The following GHR variants were observed in gnomAD, a reference collection of about 807,000 sequenced individuals.
GHR encodes the protein growth hormone receptor, also known as GH receptor.
Under a neutral mutation model 67.1 loss-of-function variants are expected in GHR, and 35 were observed. The observed-to-expected ratio is 0.52, with a 90% confidence interval of 0.40 to 0.69. The LOEUF (loss-of-function observed/expected upper bound fraction) is 0.69. GHR is among the 30% of genes least tolerant of loss of function. The pLI is 0.00. For synonymous variants in GHR, 272 were observed against 269.1 expected, an observed-to-expected ratio of 1.01 and a Z score of -0.10; for missense variants, 792 against 764.6, an observed-to-expected ratio of 1.04 and a Z score of -0.42.
intron 3 of GHR, among the ~76,000 whole-genome samples, chr5:42,635,734 G>A (rs7447306): frequency 1.3e-5 from 2 of 152,110 alleles, no homozygotes; most frequent in African/African-American, 4.8e-5. Flanking sequence ...GTTTACAAGA[G>A]ACCTGTTTCT....
intron 2 of GHR, among the ~76,000 whole-genome samples, chr5:42,624,854 A>T (rs1308048974): frequency 1.3e-5 from 2 of 152,214 alleles, no homozygotes; most frequent in Non-Finnish European, 2.9e-5. Context: ...TGGTTCTAGA[A>T]AATAATGGTA....
At chr5:42,577,766 A>C (rs1414467776) in intron 2 of GHR, among the ~76,000 whole-genome samples, 3 of 152,218 alleles carry the variant, frequency 2.0e-5, no homozygotes, top group African/African-American at 7.2e-5. Flanking sequence ...AGCTACACCC[A>C]AGAGCCTTTT....
At chr5:42,618,919 A>G (rs1422388182) in intron 2 of GHR, among the ~76,000 whole-genome samples, 3 of 152,096 alleles carry the variant, frequency 2.0e-5, no homozygotes, top group African/African-American at 7.2e-5. Context: ...TCTGTTTACA[A>G]CCATATCCCA....
chr5:42,589,089 A>G (rs1035756005), intron 2 of GHR, among the ~76,000 whole-genome samples: 2 of 152,300 alleles, frequency 1.3e-5, no homozygotes, highest in East Asian at 3.9e-4. Flanking sequence ...GTTGACTCCA[A>G]GTGACCTGTT....
chr5:42,648,875 C>G (rs1280394976), intron 3 of GHR, among the ~76,000 whole-genome samples: 1 of 152,152 alleles, frequency 6.6e-6, no homozygotes, highest in African/African-American at 2.4e-5. Context: ...CCTCAACAAG[C>G]TGTGACAACC....
intron 2 of GHR, among the ~76,000 whole-genome samples, chr5:42,615,265 C>A (rs138365758): frequency 2.8e-4 from 42 of 151,876 alleles, no homozygotes; most frequent in African/African-American, 9.6e-4. Context: ...GCTTTACCAG[C>A]GACCTATACT....
intron 3 of GHR, among the ~76,000 whole-genome samples, chr5:42,675,305 T>C (rs781250868): frequency 6.6e-6 from 1 of 152,340 alleles, no homozygotes; most frequent in Non-Finnish European, 1.5e-5. Context: ...TGTTGCTGTA[T>C]CTGCCTTGGC....
chr5:42,478,166 T>A (rs575572678), intron 1 of GHR, among the ~76,000 whole-genome samples: 2 of 152,322 alleles, frequency 1.3e-5, no homozygotes, highest in Admixed American at 6.5e-5. Context: ...CTTGTTTTTG[T>A]CAGGTTTGTC....
At chr5:42,551,615 C>G (rs1406319467) in intron 1 of GHR, among the ~76,000 whole-genome samples, 1 of 152,148 alleles carries the variant, frequency 6.6e-6, no homozygotes, top group Non-Finnish European at 1.5e-5. Context: ...GAACCCTGAT[C>G]TCATTAAGCA....
intron 3 of GHR, 72 bp from the exon 4 acceptor site, chr5:42,688,818 A>T: frequency 7.4e-7 from 1 of 1,351,174 alleles, no homozygotes; most frequent in Non-Finnish European, 1.1e-6. Context: ...CACACACTTT[A>T]GATACGTGTC....
intron 1 of GHR, among the ~76,000 whole-genome samples, chr5:42,557,504 T>A (rs1196229876): frequency 1.3e-5 from 2 of 152,200 alleles, no homozygotes; most frequent in African/African-American, 4.8e-5. Flanking sequence ...TTTGGATACA[T>A]GCAGAGGGAA....
At chr5:42,604,648 A>C (rs1752534055) in intron 2 of GHR, among the ~76,000 whole-genome samples, 1 of 151,880 alleles carries the variant, frequency 6.6e-6, no homozygotes, top group Non-Finnish European at 1.5e-5. Context: ...ATAATAAAAG[A>C]CTGTAATAAG....
chr5:42,679,205 CTAT>C (rs1281432255), intron 3 of GHR, among the ~76,000 whole-genome samples: 2 of 142,974 alleles, frequency 1.4e-5, no homozygotes, highest in East Asian at 2.1e-4. Flanking sequence ...TAATAACATA[CTAT>C]TATTAATATT....
intron 3 of GHR, among the ~76,000 whole-genome samples, chr5:42,641,541 G>A (rs963944668): frequency 2.0e-5 from 3 of 152,054 alleles, no homozygotes; most frequent in East Asian, 1.9e-4. Flanking sequence ...CTGGCTGGGC[G>A]AACTAGATCT....
chr5:42,711,623 G>C (rs1192664600), intron 7 of GHR, among the ~76,000 whole-genome samples: 1 of 152,044 alleles, frequency 6.6e-6, no homozygotes, highest in Non-Finnish European at 1.5e-5. Context: ...CAGGAATTTG[G>C]TGGCAATCTC....
chr5:42,689,144 C>T (rs1757302385), intron 4 of GHR, 125 bp downstream of exon 4: 2 of 905,766 alleles, frequency 2.2e-6, no homozygotes, highest in Non-Finnish European at 3.7e-6. Flanking sequence ...AATATTCATT[C>T]ACTCATTTAT....
intron 2 of GHR, among the ~76,000 whole-genome samples, chr5:42,576,296 C>T (rs1750741068): frequency 6.6e-6 from 1 of 151,880 alleles, no homozygotes. Flanking sequence ...TTTAAAAAGG[C>T]TTCAATGAGG....
intron 3 of GHR, among the ~76,000 whole-genome samples, chr5:42,668,230 G>C (rs1580164238): frequency 6.6e-6 from 1 of 152,076 alleles, no homozygotes; most frequent in Non-Finnish European, 1.5e-5. Flanking sequence ...TAGGCAAGGG[G>C]GTAGGAGATA....
intron 1 of GHR, among the ~76,000 whole-genome samples, chr5:42,445,093 C>T (rs1350048716): frequency 6.6e-6 from 1 of 152,186 alleles, no homozygotes; most frequent in African/African-American, 2.4e-5. Flanking sequence ...GCCTCATTGT[C>T]ATTTTTAAAT....
Sources: gnomAD v4.1 joint callset for allele counts (sites outside exome capture counted in the v4.1 genomes callset) on GRCh38, gnomAD v4.1.1 for gene constraint, MANE v1.5 for transcripts, NCBI Gene and HGNC (gene_info 2026-07-23, HGNC 2026-07-21) for gene names.